Variants in AK5 observed in about 807,000 individuals in gnomAD.
The protein encoded by AK5 is adenylate kinase isoenzyme 5.
A neutral mutation model predicts 69.5 loss-of-function variants in AK5; 27 were observed. That is an observed-to-expected ratio of 0.39 (90% CI 0.29 to 0.54). The LOEUF is 0.54. AK5 is among the 20% of genes least tolerant of loss of function. The pLI is 0.71. For synonymous variants in AK5, 260 were observed against 244.4 expected (o/e 1.06, Z -0.60); for missense variants, 531 against 700.4 (o/e 0.76, Z 2.73).
intron 6 of AK5, among the ~76,000 whole-genome samples, chr1:77,349,857 G>A (rs1189564797): frequency 6.6e-6 from 1 of 151,984 alleles, no homozygotes; most frequent in Non-Finnish European, 1.5e-5. Context: ...TTCAGTTCTG[G>A]GACAGGCAAA....
At chr1:77,366,784 G>T (rs1646957057) in intron 6 of AK5, among the ~76,000 whole-genome samples, 1 of 152,128 alleles carries the variant, frequency 6.6e-6, no homozygotes, top group African/African-American at 2.4e-5. Flanking sequence ...CTACTCTTCA[G>T]TAAGGTCAAA....
At chr1:77,338,282 G>T (rs1661474730) in intron 5 of AK5, among the ~76,000 whole-genome samples, 1 of 152,128 alleles carries the variant, frequency 6.6e-6, no homozygotes, top group South Asian at 2.1e-4. Flanking sequence ...ATGTTTTAAA[G>T]ACAAAATCAA....
chr1:77,536,713 A>T (rs1411569251), intron 13 of AK5, among the ~76,000 whole-genome samples: 1 of 152,230 alleles, frequency 6.6e-6, no homozygotes, highest in Admixed American at 6.5e-5. Flanking sequence ...CTGTGAGATT[A>T]TTCACTAGAG....
At chr1:77,285,508 A>C (rs10747353) in intron 1 of AK5, among the ~76,000 whole-genome samples, 54,560 of 152,130 alleles carry the variant, frequency 0.36, 10,071 homozygotes, top group Middle Eastern at 0.41. Context: ...ATTTAAACAG[A>C]TGTCAGCCCT....
intron 8 of AK5, among the ~76,000 whole-genome samples, chr1:77,470,676 ATTTG>A (rs886244186): frequency 6.6e-6 from 1 of 151,634 alleles, no homozygotes; most frequent in African/African-American, 2.4e-5. Flanking sequence ...AATAGAAAAT[ATTTG>A]TTTGACAAAT....
intron 10 of AK5, among the ~76,000 whole-genome samples, chr1:77,497,742 C>G (rs184336327): frequency 6.6e-6 from 1 of 152,208 alleles, no homozygotes; most frequent in African/African-American, 2.4e-5. Flanking sequence ...CACGCACCAC[C>G]ACGCCCGGCT....
intron 6 of AK5, among the ~76,000 whole-genome samples, chr1:77,367,630 A>AATATATATATGTTATGTTATATATGTT (rs1217597256): frequency 1.8e-5 from 1 of 56,020 alleles, no homozygotes; most frequent in Non-Finnish European, 3.4e-5. Flanking sequence ...TTATATATGT[A>AATATATATATGTTATGTTATATATGTT]ATATATATGT....
intron 5 of AK5, among the ~76,000 whole-genome samples, chr1:77,309,679 G>A (rs866682614): frequency 3.3e-5 from 5 of 151,992 alleles, no homozygotes; most frequent in African/African-American, 4.8e-5. Flanking sequence ...AAGTGTTTCT[G>A]TATCACTATT....
At chr1:77,309,893 T>C (rs1291069083) in intron 5 of AK5, among the ~76,000 whole-genome samples, 1 of 152,156 alleles carries the variant, frequency 6.6e-6, no homozygotes, top group Non-Finnish European at 1.5e-5. Context: ...TTCTTTCATT[T>C]ATATTTTTTC....
chr1:77,470,754 G>A (rs1458789351), intron 8 of AK5, among the ~76,000 whole-genome samples: 2 of 145,660 alleles, frequency 1.4e-5, no homozygotes, highest in Non-Finnish European at 3.0e-5. Flanking sequence ...CACCTTATGA[G>A]CACAAACACA....
intron 8 of AK5, among the ~76,000 whole-genome samples, chr1:77,452,561 T>C (rs1653222596): frequency 6.6e-6 from 1 of 152,204 alleles, no homozygotes; most frequent in African/African-American, 2.4e-5. Context: ...CTGCAGTCTG[T>C]TGATCAATAA....
At chr1:77,522,631 G>T (rs1557652569) in intron 12 of AK5, among the ~76,000 whole-genome samples, 1 of 152,082 alleles carries the variant, frequency 6.6e-6, no homozygotes, top group East Asian at 1.9e-4. Flanking sequence ...CTAGTGAGGA[G>T]GGTGGGTCAG....
intron 6 of AK5, among the ~76,000 whole-genome samples, chr1:77,404,414 A>G (rs1057131036): frequency 2.0e-5 from 3 of 152,004 alleles, no homozygotes; most frequent in African/African-American, 7.2e-5. Flanking sequence ...AAGTATCAAC[A>G]TATGTTGTTT....
chr1:77,288,375 C>T (rs1658483605), intron 2 of AK5, among the ~76,000 whole-genome samples: 1 of 152,146 alleles, frequency 6.6e-6, no homozygotes, highest in South Asian at 2.1e-4. Flanking sequence ...ATTTTCAAAA[C>T]TGAAACCATT....
chr1:77,400,397 T>C (rs982563443), intron 6 of AK5, among the ~76,000 whole-genome samples: 8 of 152,170 alleles, frequency 5.3e-5, no homozygotes, highest in Non-Finnish European at 1.5e-5. Flanking sequence ...ATTGTAGGAA[T>C]CGAATAAATC....
intron 3 of AK5, among the ~76,000 whole-genome samples, chr1:77,295,045 T>C (rs2100657158): frequency 6.6e-6 from 1 of 152,226 alleles, no homozygotes; most frequent in Middle Eastern, 3.4e-3. Context: ...TTGTGGCTAT[T>C]TTTGCAAAGT....
chr1:77,405,916 C>T (rs1049719645), intron 6 of AK5, among the ~76,000 whole-genome samples: 12 of 150,586 alleles, frequency 8.0e-5, no homozygotes, highest in Admixed American at 3.3e-4. Context: ...TTCCACTTCA[C>T]GCTTAATGCC....
intron 10 of AK5, among the ~76,000 whole-genome samples, chr1:77,513,138 T>A (rs1278925657): frequency 6.6e-6 from 1 of 152,228 alleles, no homozygotes; most frequent in Non-Finnish European, 1.5e-5. Flanking sequence ...CTTCCACCCC[T>A]GTGCAGATGC....
chr1:77,381,554 G>A (rs1158569020), intron 6 of AK5, among the ~76,000 whole-genome samples: 1 of 152,176 alleles, frequency 6.6e-6, no homozygotes, highest in East Asian at 1.9e-4. Flanking sequence ...GTACAGGAGG[G>A]CAAGACAGAC....
Sources: gnomAD v4.1 joint callset for allele counts (sites outside exome capture counted in the v4.1 genomes callset) on GRCh38, gnomAD v4.1.1 for gene constraint, MANE v1.5 for transcripts, NCBI Gene and HGNC (gene_info 2026-07-23, HGNC 2026-07-21) for gene names.